The following RGP1 variants were observed in gnomAD, a reference collection of about 807,000 sequenced individuals.
RGP1 encodes RGP1 partner of RAB6A GEF complex.
A neutral mutation model predicts 44.5 loss-of-function variants in RGP1; 28 were observed. That is an observed-to-expected ratio of 0.63 (90% CI 0.47 to 0.86). The LOEUF (loss-of-function observed/expected upper bound fraction) is 0.86, where lower values mean the gene tolerates loss of function less well. RGP1 is among the 40% of genes least tolerant of loss of function. The pLI, the probability that RGP1 is intolerant of heterozygous loss-of-function variation, is 0.00. For missense variants in RGP1, 417 were observed against 490.7 expected (o/e 0.85, Z 1.42); for synonymous variants, 212 against 196.7 (o/e 1.08, Z -0.65).
At chr9:35,764,850 G>T in the RGP1 span, among the ~76,000 whole-genome samples, 2 of 152,176 alleles carry the variant, frequency 1.3e-5, no homozygotes, top group Non-Finnish European at 2.9e-5. Flanking sequence ...GTTTGGCCAG[G>T]CACGATGGCT....
At position 35,758,575 on chromosome 9, in the gene RGP1, G is replaced by GA. The variant is rs368982207; in HGVS notation, c.*5711dup. On this transcript the variant is annotated 3_prime_UTR_variant, in exon 9 of 9. Coordinates refer to ENST00000378078, the MANE Select transcript of RGP1 (RefSeq NM_001080496.3). ...AACAAGCAAATCTGGGTCAATTAAT[G>GA]AAAAAAAAAAGAAAAGAAAAGAAAA... 961 of 148,492 alleles carry GA rather than the reference G, an allele frequency of 6.5e-3. 9 individuals are homozygous for GA. Among genetic ancestry groups the GA allele is most frequent in the African/African-American group, 0.021 (854 of 40,510 alleles). The allele number at this position is 148,492 out of a possible 1,614,324, so 9.2% of individuals were successfully genotyped here. A position where few individuals can be genotyped will look rare whatever the true frequency, so the allele number is the denominator to read the frequency against.
chr9:35,787,619 G>A, the RGP1 span, among the ~76,000 whole-genome samples: 1 of 152,230 alleles, frequency 6.6e-6, no homozygotes, highest in Non-Finnish European at 1.5e-5. Flanking sequence ...TGCGTGGCTG[G>A]GAGGGAAGTA....
At chr9:35,777,134 T>C in the RGP1 span, among the ~76,000 whole-genome samples, 28 of 132,426 alleles carry the variant, frequency 2.1e-4, no homozygotes, top group Non-Finnish European at 3.9e-4. Context: ...TTTCTTTTTT[T>C]TTTTTTTTTT....
chr9:35,766,117 A>G, the RGP1 span, among the ~76,000 whole-genome samples: 1 of 145,368 alleles, frequency 6.9e-6, no homozygotes, highest in Non-Finnish European at 1.5e-5. Context: ...GGCATGAGCC[A>G]CCGTGCCGGC....
At position 35,753,159 on chromosome 9, in the gene RGP1, G is replaced by T; in HGVS notation, c.*285G>T. 1.2e-6 allele frequency: 2 copies of T among 1,614,164 alleles called. No homozygotes were observed. Among genetic ancestry groups the T allele is most frequent in the Non-Finnish European group, 1.7e-6 (2 of 1,180,024 alleles). ...GGGGTGTTGGCTGAGCCCCATTCTGGGTCAGGCCCTCCCCCTTTGCAGGGC... is the reference window on the plus strand; with the variant it reads ...GGGGTGTTGGCTGAGCCCCATTCTGTGTCAGGCCCTCCCCCTTTGCAGGGC... On this transcript the variant is annotated 3_prime_UTR_variant, in exon 9 of 9. Coordinates refer to ENST00000378078, the MANE Select transcript of RGP1 (RefSeq NM_001080496.3). This position sits in a 1 kb window ranked among gnomAD's most constrained non-coding sequence, Gnocchi z 4.2.
the RGP1 span, among the ~76,000 whole-genome samples, chr9:35,781,634 T>C: frequency 6.6e-6 from 1 of 152,164 alleles, no homozygotes. Flanking sequence ...CAATACCTTT[T>C]AGGTGTCAAA....
Position 35,752,052 on chromosome 9 carries a change from G to A in RGP1, c.859G>A (p.Ala287Thr), listed in dbSNP as rs577603004. The A allele has an allele frequency of 1.4e-5, 22 of 1,611,306 alleles. No individual in the cohort carries two copies. Among genetic ancestry groups the A allele is most frequent in the South Asian group, 7.7e-5 (7 of 90,708 alleles). The stretch of plus-strand genomic sequence containing the variant: ...CCCCTCTGTGTCACATGTGACTCAC[G>A]CCCGGCACCAGGAATCCTGCCTACA... ...GVPSVSHVTH[A>T]RHQESCLHTT... Residue 287 changes from alanine to threonine, a missense_variant, in exon 8 of 9, where the codon GCC becomes ACC. By Grantham distance (58) the Ala-to-Thr change is moderately conservative (BLOSUM62 0). Transcript: ENST00000378078.
the RGP1 span, among the ~76,000 whole-genome samples, chr9:35,770,198 G>A: frequency 8.5e-5 from 13 of 152,346 alleles, no homozygotes; most frequent in Admixed American, 2.0e-4. Flanking sequence ...AGGCTTAGAT[G>A]TGGAGAGTAG....
the RGP1 span, among the ~76,000 whole-genome samples, chr9:35,778,840 T>C: frequency 8.2e-3 from 1,246 of 152,344 alleles, 19 homozygotes; most frequent in African/African-American, 0.029. Flanking sequence ...ATGTGCTTTT[T>C]ATATTTTAAT....
Position 35,754,471 on chromosome 9 carries a change from G to A in RGP1, c.*1597G>A. On this transcript the variant is annotated 3_prime_UTR_variant, in exon 9 of 9. Coordinates refer to ENST00000378078, the MANE Select transcript of RGP1 (RefSeq NM_001080496.3). ...GTGGCCATGGAGGGGGCACTGGACT[G>A]GGCACTTCCCCAGCAAGGAGGCAGG... is the stretch of plus-strand genomic sequence containing the variant. The A allele has an allele frequency of 5.3e-6, 1 of 188,370 alleles. No individual in the cohort carries two copies. The highest frequency in any genetic ancestry group is 1.5e-4 in the South Asian group (1 of 6,622). 11.7% of individuals were successfully genotyped at this position (188,370 alleles called of 1,614,324 possible). A position where few individuals can be genotyped will look rare whatever the true frequency, so the allele number is the denominator to read the frequency against.
In RGP1 at chr9:35,749,715, G is replaced by A. The variant is rs1225687182; in HGVS notation, c.-19-22G>A. 1 of 1,468,616 alleles carries A rather than the reference G, an allele frequency of 6.8e-7. No individual in the cohort carries two copies. The highest frequency in any genetic ancestry group is 9.5e-7 in the Non-Finnish European group (1 of 1,052,900). The allele number at this position is 1,468,616 out of a possible 1,614,324, so 91.0% of individuals were successfully genotyped here. The stretch of plus-strand genomic sequence containing the variant: ...CCTCCCTGTCAAGGTGCTGACCTCC[G>A]CCCCGCCTTGTTTCCTTCTAGATCT... On this transcript the variant is annotated intron_variant, in intron 1 of 8. Coordinates refer to ENST00000378078, the MANE Select transcript of RGP1 (RefSeq NM_001080496.3). The surrounding 1 kb of genome is among the most constrained non-coding windows in gnomAD (Gnocchi z 4.4).
intron 3 of RGP1, 137 bp downstream of exon 3, chr9:35,750,516 A>G (rs1415360950): frequency 2.2e-5 from 29 of 1,302,536 alleles, no homozygotes; most frequent in Admixed American, 1.8e-4. Flanking sequence ...GAGCATGACT[A>G]TTGCTTTAGG....
the RGP1 span, among the ~76,000 whole-genome samples, chr9:35,774,223 A>G: frequency 1.3e-5 from 2 of 152,170 alleles, no homozygotes; most frequent in Non-Finnish European, 2.9e-5. Context: ...CTGGGTCCTC[A>G]GGAGACTCAG....
downstream of RGP1, among the ~76,000 whole-genome samples, chr9:35,759,067 T>C (rs1219877009): frequency 6.6e-6 from 1 of 152,236 alleles, no homozygotes; most frequent in African/African-American, 2.4e-5. Flanking sequence ...TAGAAAAAGA[T>C]GCTTATGTTT....
chr9:35,768,453 C>T, the RGP1 span, among the ~76,000 whole-genome samples: 3 of 152,186 alleles, frequency 2.0e-5, no homozygotes, highest in Admixed American at 6.5e-5. Flanking sequence ...CTATGTGCAA[C>T]AGGGAAGCCC....
Position 35,750,973 on chromosome 9 carries a change from G to C in RGP1, c.471G>C (p.Arg157Ser). 2 of 1,613,870 alleles carry C rather than the reference G, an allele frequency of 1.2e-6. No homozygotes were observed. Among genetic ancestry groups the C allele is most frequent in the Non-Finnish European group, 1.7e-6 (2 of 1,179,880 alleles). ...TCACTTTACTCAGAGTCCCTCTGAGGGTTCTTGTGCTGACTGGTAAGCAAG... is the reference window on the plus strand; with the variant it reads ...TCACTTTACTCAGAGTCCCTCTGAGCGTTCTTGTGCTGACTGGTAAGCAAG... ...SPITLLRVPLRVLVLTGLQDV... is the reference protein window; with the variant it reads ...SPITLLRVPLSVLVLTGLQDV... Residue 157 changes from arginine to serine, a missense_variant, in exon 5 of 9, where the codon AGG (arginine) becomes AGC (serine). Arg to Ser is a moderately radical substitution (Grantham distance 110). Transcript: ENST00000378078.
At chr9:35,771,972 G>C in the RGP1 span, among the ~76,000 whole-genome samples, 3 of 152,164 alleles carry the variant, frequency 2.0e-5, no homozygotes, top group South Asian at 6.2e-4. Context: ...TTGCTTTTGG[G>C]GGAGGGGAGG....
the RGP1 span, among the ~76,000 whole-genome samples, chr9:35,767,022 AC>A: frequency 6.6e-6 from 1 of 152,166 alleles, no homozygotes; most frequent in Non-Finnish European, 1.5e-5. Flanking sequence ...ATTTCTCAAA[AC>A]CTCAGTTGAA....
Position 35,750,255 on chromosome 9 carries a change from C to G in RGP1, c.129C>G (p.Ala43=). The G allele has an allele frequency of 1.2e-6, 2 of 1,613,758 alleles. No homozygotes were observed. The highest frequency in any genetic ancestry group is 1.7e-6 in the Non-Finnish European group (2 of 1,179,814). ...TATSASSEAL[A]WASAQIHCQF... is the part of the protein sequence containing the mutation. Reference sequence around the variant, plus strand: ...CCTTTTCCCACAGTGAGGCCCTGGCCTGGGCCAGTGCCCAAATCCACTGCC... The same window carrying G: ...CCTTTTCCCACAGTGAGGCCCTGGCGTGGGCCAGTGCCCAAATCCACTGCC... The change falls in exon 3 of 9, where the codon GCC becomes GCG. Residue 43 remains alanine, a synonymous_variant. Transcript: ENST00000378078.
Sources: gnomAD v4.1 joint callset for allele counts (sites outside exome capture counted in the v4.1 genomes callset) on GRCh38, gnomAD v4.1.1 for gene constraint, Gnocchi (gnomAD v3.1) non-coding constraint, MANE v1.5 for transcripts, NCBI Gene and HGNC (gene_info 2026-07-23, HGNC 2026-07-21) for gene names.